Variants in CHRNA7 observed in about 807,000 individuals in gnomAD.
The protein encoded by CHRNA7 is neuronal acetylcholine receptor subunit alpha-7.
Under a neutral mutation model 48.0 loss-of-function variants are expected in CHRNA7, and 17 were observed. That is an observed-to-expected ratio of 0.35 (90% CI 0.24 to 0.53). CHRNA7 has a LOEUF of 0.53. Among genes scored for constraint, CHRNA7 ranks in the 20% least tolerant of loss-of-function variants. The pLI is 0.92. For synonymous variants in CHRNA7, 75 were observed against 242.3 expected, an observed-to-expected ratio of 0.31 and a Z score of 6.41; for missense variants, 155 against 577.7, an observed-to-expected ratio of 0.27 and a Z score of 7.50.
intron 3 of CHRNA7, among the ~76,000 whole-genome samples, chr15:32,109,802 A>G (rs10438287): frequency 0.17 from 25,228 of 152,232 alleles, 2,428 homozygotes; most frequent in Middle Eastern, 0.24. Context: ...AGGACACTGG[A>G]CTAGCATAAA....
In CHRNA7 at chr15:32,094,105, A is replaced by G. The variant is rs570117295; in HGVS notation, c.196-7198A>G. On this transcript the variant is annotated intron_variant, in intron 2 of 9. Coordinates refer to ENST00000306901, the MANE Select transcript of CHRNA7 (RefSeq NM_000746.6). ...TAACGGTACCGTCAGAAATAAGCAT[A>G]TATCTGTAAACAGTTCGGCTGTGAT... is the stretch of plus-strand genomic sequence containing the variant. Among the ~76,000 whole-genome samples, 18 of 152,326 alleles carry G rather than the reference A, an allele frequency of 1.2e-4. No homozygotes were observed. The South Asian group carries it at 3.3e-3, about 28-fold the overall frequency.
At chr15:32,109,585 C>T (rs533829602) in intron 3 of CHRNA7, among the ~76,000 whole-genome samples, 2 of 152,298 alleles carry the variant, frequency 1.3e-5, no homozygotes, top group South Asian at 4.1e-4. Context: ...GCAGCAGCAT[C>T]AGGGAGATTG....
chr15:32,098,961 G>A (rs2050523710), intron 2 of CHRNA7: 1 of 149,964 alleles, frequency 6.7e-6, no homozygotes, highest in Non-Finnish European at 1.5e-5. Flanking sequence ...CACACATCAG[G>A]CAAGCATAAT....
intron 2 of CHRNA7, among the ~76,000 whole-genome samples, chr15:32,066,662 TAC>T (rs1267607497): frequency 6.6e-6 from 1 of 152,190 alleles, no homozygotes; most frequent in African/African-American, 2.4e-5. Flanking sequence ...AGATGGCATA[TAC>T]AGAGGGAAAA....
At chr15:32,101,215 ACAGT>A in intron 2 of CHRNA7, 84 bp from the exon 3 acceptor site, 2 of 1,403,742 alleles carry the variant, frequency 1.4e-6, no homozygotes. Context: ...AACGCTCTCG[ACAGT>A]CAGATCCCCA....
In CHRNA7 at chr15:32,141,283, C is replaced by G. The variant is rs185652744; in HGVS notation, c.351-12624C>G. On this transcript the variant is annotated intron_variant, in intron 4 of 9. Transcript: ENST00000306901. ...TCTGTTCTCTTCCATTGGTCTATAT[C>G]TCTGTTTTGGTACCAGTACCATGCT... 9.3e-4 allele frequency among the ~76,000 whole-genome samples: 141 copies of G among 152,220 alleles called. 2 individuals carry two copies. The East Asian group carries it at 0.02, about 22-fold the overall frequency.
At position 32,076,752 on chromosome 15, in the gene CHRNA7, C is replaced by A. The variant is rs902401860; in HGVS notation, c.196-24551C>A. Among the ~76,000 whole-genome samples, 12 of 152,184 alleles carry A rather than the reference C, an allele frequency of 7.9e-5. 2 individuals carry two copies. In the East Asian group the frequency reaches 2.1e-3, roughly 27 times the overall value. On this transcript the variant is annotated intron_variant, in intron 2 of 9. Coordinates refer to ENST00000306901, the MANE Select transcript of CHRNA7 (RefSeq NM_000746.6). ...CCCTGACCAGAGTGGTACATTGTTA[C>A]GATTGACAAACCTACACTGACACAT...
In CHRNA7 at chr15:32,170,473, T is replaced by G. The variant is rs2052392375; in HGVS notation, c.*2015T>G. ...CAGTGTCTTTAGAAACAAGTAGAAG[T>G]GTTTTGATATATAAAAGGAATGCTT... On this transcript the variant is annotated 3_prime_UTR_variant, in exon 10 of 10. Coordinates refer to ENST00000306901, the MANE Select transcript of CHRNA7 (RefSeq NM_000746.6). 6.6e-6 allele frequency: 1 copy of G among 151,696 alleles called. No individual in the cohort carries two copies. The highest frequency in any genetic ancestry group is 2.1e-4 in the South Asian group (1 of 4,806). 9.4% of individuals were successfully genotyped at this position (151,696 alleles called of 1,614,324 possible). A position where few individuals can be genotyped will look rare whatever the true frequency, so the allele number is the denominator to read the frequency against.
intron 2 of CHRNA7, among the ~76,000 whole-genome samples, chr15:32,033,456 C>G (rs1445846324): frequency 6.6e-6 from 1 of 152,230 alleles, no homozygotes; most frequent in Non-Finnish European, 1.5e-5. Context: ...CAACATCGGA[C>G]AAGTCCTTTG....
At chr15:32,098,912 T>TACACACACACAC (rs1272048098) in intron 2 of CHRNA7, 2 of 56,760 alleles carry the variant, frequency 3.5e-5, no homozygotes, top group Non-Finnish European at 3.4e-5. Flanking sequence ...ACACACACTT[T>TACACACACACAC]TTATTCTAGG....
At chr15:32,049,547 C>T (rs368828738) in intron 2 of CHRNA7, among the ~76,000 whole-genome samples, 5 of 152,118 alleles carry the variant, frequency 3.3e-5, no homozygotes, top group South Asian at 4.2e-4. Flanking sequence ...TGTCTCTGCA[C>T]GTGAGATGGG....
At chr15:32,095,626 G>C (rs1023303792) in intron 2 of CHRNA7, among the ~76,000 whole-genome samples, 1 of 152,172 alleles carries the variant, frequency 6.6e-6, no homozygotes, top group Non-Finnish European at 1.5e-5. Context: ...TGGTCCCTAT[G>C]TCCTGTAGCC....
intron 3 of CHRNA7, chr15:32,102,987 A>G (rs1057447325): frequency 6.6e-6 from 1 of 152,238 alleles, no homozygotes; most frequent in African/African-American, 2.4e-5. Flanking sequence ...TTGTAAGGTA[A>G]TTCACACAGA....
Position 32,056,236 on chromosome 15 carries a change from C to T in CHRNA7, c.195+25199C>T, listed in dbSNP as rs562290529. 2.2e-4 allele frequency among the ~76,000 whole-genome samples: 34 copies of T among 152,218 alleles called. No individual in the cohort carries two copies. The South Asian group carries it at 7.1e-3, about 32-fold the overall frequency. ...ATATTTTAAAAGTCTTTCCCTTCCC[C>T]AAGTTCATGAAGATATTTTTCTGTA... is the stretch of plus-strand genomic sequence containing the variant. On this transcript the variant is annotated intron_variant, in intron 2 of 9. Transcript: ENST00000306901.
chr15:32,048,305 T>G (rs548240650), intron 2 of CHRNA7, among the ~76,000 whole-genome samples: 1 of 152,296 alleles, frequency 6.6e-6, no homozygotes, highest in South Asian at 2.1e-4. Flanking sequence ...GGTCCTGGAC[T>G]CTTTCTGGTT....
At chr15:32,116,529 CGG>C (rs1353789640) in intron 4 of CHRNA7, among the ~76,000 whole-genome samples, 11 of 152,182 alleles carry the variant, frequency 7.2e-5, no homozygotes, top group Non-Finnish European at 1.2e-4. Context: ...TTTAAGCCTG[CGG>C]CTCAAGGAGT....
intron 4 of CHRNA7, among the ~76,000 whole-genome samples, chr15:32,119,335 T>A (rs2050927251): frequency 6.6e-6 from 1 of 152,254 alleles, no homozygotes; most frequent in South Asian, 2.1e-4. Context: ...ACTTAAGTAG[T>A]CTTTGACACA....
intron 2 of CHRNA7, among the ~76,000 whole-genome samples, chr15:32,096,623 T>C (rs1193467894): frequency 1.3e-5 from 2 of 151,310 alleles, no homozygotes; most frequent in Non-Finnish European, 1.5e-5. Flanking sequence ...TTTTTTTTTT[T>C]TCTCAGCATC....
At chr15:32,150,843 A>G (rs1442574553) in intron 4 of CHRNA7, among the ~76,000 whole-genome samples, 2 of 152,120 alleles carry the variant, frequency 1.3e-5, no homozygotes, top group Non-Finnish European at 2.9e-5. Context: ...ACCATTTATA[A>G]TGTGACTCAT....
Sources: allele counts gnomAD v4.1 joint callset (sites outside exome capture counted in the v4.1 genomes callset), GRCh38; gene constraint gnomAD v4.1.1; transcripts MANE v1.5; gene names NCBI Gene and HGNC (gene_info 2026-07-23, HGNC 2026-07-21).